The following WDFY4 variants were observed in gnomAD, a reference collection of about 807,000 sequenced individuals.
The protein encoded by WDFY4 is WDFY family member 4, also known as WD repeat- and FYVE domain-containing protein 4.
Under a neutral mutation model 351.9 loss-of-function variants are expected in WDFY4, and 169 were observed. That is an observed-to-expected ratio of 0.48 (90% CI 0.42 to 0.55). The LOEUF is 0.55. Ranked by LOEUF, WDFY4 falls within the 20% of genes least tolerant of loss-of-function variation. The probability of loss-of-function intolerance (pLI) is 0.00; values close to 1 mark genes in which losing one functional copy is unlikely to be tolerated. For missense variants in WDFY4, 3,803 were observed against 3,935.6 expected, an observed-to-expected ratio of 0.97 and a Z score of 0.90; for synonymous variants, 1,622 against 1,574.6, an observed-to-expected ratio of 1.03 and a Z score of -0.71.
At chr10:48,701,336 C>T (rs1291753370) in intron 1 of WDFY4, among the ~76,000 whole-genome samples, 1 of 152,194 alleles carries the variant, frequency 6.6e-6, no homozygotes, top group African/African-American at 2.4e-5. Flanking sequence ...GGCTTGTCTC[C>T]ACCCTCTGGC....
chr10:48,908,763 C>G (rs1443265853), intron 47 of WDFY4, among the ~76,000 whole-genome samples: 1 of 152,126 alleles, frequency 6.6e-6, no homozygotes, highest in Non-Finnish European at 1.5e-5. Flanking sequence ...AATTTCAGAA[C>G]CAGGACACTG....
chr10:48,804,781 G>GGT lies in WDFY4; in HGVS notation c.4485-479_4485-478insGT, dbSNP rs397721700. 9.2e-6 allele frequency: 9 copies of GGT among 976,884 alleles called. No individual in the cohort carries two copies. The Admixed American group carries it at 4.3e-4, about 47-fold the overall frequency. 60.5% of individuals were successfully genotyped at this position (976,884 alleles called of 1,614,324 possible). ...GATTTGTGAGTATCTGAGGGAGGGG[G>GGT]TATGGATAGGTGGATTCTGTCTTTT... On this transcript the variant is annotated intron_variant, in intron 25 of 61. Transcript: ENST00000325239.
chr10:48,927,949 C>G (rs2671703), intron 47 of WDFY4, among the ~76,000 whole-genome samples: 143,320 of 152,308 alleles, frequency 0.94, 67,802 homozygotes, highest in East Asian at 1. Context: ...TTCATCCACC[C>G]TATGTTCAAA....
intron 39 of WDFY4, among the ~76,000 whole-genome samples, chr10:48,857,461 C>T (rs2069175383): frequency 6.6e-6 from 1 of 150,590 alleles, no homozygotes; most frequent in Admixed American, 6.6e-5. Flanking sequence ...CTTTTTGGGG[C>T]CTTCAATGCA....
At chr10:48,962,122 C>T (rs765717475) in intron 53 of WDFY4, among the ~76,000 whole-genome samples, 2 of 152,156 alleles carry the variant, frequency 1.3e-5, no homozygotes, top group African/African-American at 2.4e-5. Flanking sequence ...TATGATCTGC[C>T]CTCACCTGGG....
At chr10:48,869,589 C>A (rs920033388) in intron 40 of WDFY4, among the ~76,000 whole-genome samples, 1 of 151,736 alleles carries the variant, frequency 6.6e-6, no homozygotes, top group Admixed American at 6.6e-5. Flanking sequence ...GTTGCCTCTA[C>A]AGTCTGGCCC....
intron 4 of WDFY4, among the ~76,000 whole-genome samples, chr10:48,721,781 T>G (rs1396110450): frequency 6.6e-6 from 1 of 152,206 alleles, no homozygotes; most frequent in Non-Finnish European, 1.5e-5. Context: ...ATCTTGGTGA[T>G]GCCAGTGAGT....
At chr10:48,979,952 G>A (rs1393253031) in intron 60 of WDFY4, 1 of 152,176 alleles carries the variant, frequency 6.6e-6, no homozygotes, top group East Asian at 1.9e-4. Flanking sequence ...CCCAAATGCA[G>A]GTCATTATTG....
intron 39 of WDFY4, among the ~76,000 whole-genome samples, chr10:48,862,218 A>T (rs1413887204): frequency 1.3e-5 from 2 of 152,170 alleles, no homozygotes; most frequent in Non-Finnish European, 2.9e-5. Context: ...CTGATTCTTG[A>T]TGTGAGTCTA....
intron 31 of WDFY4, among the ~76,000 whole-genome samples, chr10:48,816,275 T>A (rs2067618319): frequency 6.6e-6 from 1 of 152,228 alleles, no homozygotes; most frequent in South Asian, 2.1e-4. Flanking sequence ...TGGATTTATA[T>A]AAATAACCAG....
At chr10:48,981,281 T>A (rs933584537) in intron 60 of WDFY4, 86 bp from the exon 61 acceptor site, 2 of 1,052,362 alleles carry the variant, frequency 1.9e-6, no homozygotes, top group African/African-American at 3.2e-5. Flanking sequence ...TATGTGCGTA[T>A]GTGTTTGCGG....
chr10:48,891,354 C>T (rs1284941893), intron 44 of WDFY4, among the ~76,000 whole-genome samples: 1 of 152,234 alleles, frequency 6.6e-6, no homozygotes, highest in Non-Finnish European at 1.5e-5. Flanking sequence ...TCTTTAGGAT[C>T]AAGTGCAGTT....
In WDFY4 at chr10:48,926,425, A is replaced by T. The variant is rs546545960; in HGVS notation, c.7587-15381A>T. Among the ~76,000 whole-genome samples the T allele has an allele frequency of 1.6e-4, 24 of 152,310 alleles. No homozygotes were observed. In the East Asian group the frequency reaches 4.6e-3, roughly 29 times the overall value. On this transcript the variant is annotated intron_variant, in intron 47 of 61. Coordinates refer to ENST00000325239, the MANE Select transcript of WDFY4 (RefSeq NM_001394531.1). Reference sequence around the variant, plus strand: ...TGTCACCCCCTAGAGAGTCTGCTAAATGAAGGATGGTGTGCACTCTGGCTG... The same window carrying T: ...TGTCACCCCCTAGAGAGTCTGCTAATTGAAGGATGGTGTGCACTCTGGCTG...
chr10:48,724,920 G>A (rs1289371788), intron 5 of WDFY4, among the ~76,000 whole-genome samples: 1 of 152,222 alleles, frequency 6.6e-6, no homozygotes, highest in African/African-American at 2.4e-5. Flanking sequence ...AAGGTATACT[G>A]GGCAATGATG....
intron 43 of WDFY4, among the ~76,000 whole-genome samples, chr10:48,888,660 A>G (rs112616266): frequency 1.1e-4 from 16 of 152,278 alleles, no homozygotes; most frequent in African/African-American, 3.8e-4. Flanking sequence ...ACTTCATCTT[A>G]GCCGTACTGA....
intron 54 of WDFY4, among the ~76,000 whole-genome samples, chr10:48,965,829 C>T (rs61848119): frequency 0.2 from 955 of 4,840 alleles, 22 homozygotes; most frequent in African/African-American, 0.29. Context: ...TATATCTATA[C>T]CAGTTAGATA....
intron 2 of WDFY4, among the ~76,000 whole-genome samples, chr10:48,716,583 G>T (rs1297853332): frequency 6.6e-6 from 1 of 152,126 alleles, no homozygotes; most frequent in East Asian, 1.9e-4. Context: ...ACAGCACCCC[G>T]GTGGCCTGAA....
chr10:48,729,153 A>G (rs2064369753), intron 7 of WDFY4, among the ~76,000 whole-genome samples: 1 of 152,198 alleles, frequency 6.6e-6, no homozygotes, highest in Non-Finnish European at 1.5e-5. Flanking sequence ...CCCTAACCAC[A>G]TGTCTTTTGG....
At chr10:48,923,249 A>G (rs1013281419) in intron 47 of WDFY4, among the ~76,000 whole-genome samples, 6 of 151,940 alleles carry the variant, frequency 3.9e-5, no homozygotes, top group Non-Finnish European at 7.4e-5. Context: ...TCCCTGGTGT[A>G]TGCACTGGGG....
Sources: gnomAD v4.1 joint callset for allele counts (sites outside exome capture counted in the v4.1 genomes callset) on GRCh38, gnomAD v4.1.1 for gene constraint, MANE v1.5 for transcripts, NCBI Gene and HGNC (gene_info 2026-07-23, HGNC 2026-07-21) for gene names.